Variants in DARS1 observed in about 807,000 individuals in gnomAD.
DARS1 encodes the protein aspartate--tRNA ligase, cytoplasmic.
DARS1 carries 51 observed loss-of-function variants against 68.8 expected under a neutral mutation model. The ratio of observed to expected loss-of-function variants is 0.74; its 90% CI spans 0.59 to 0.94. DARS1 has a LOEUF of 0.94. Among genes scored for constraint, DARS1 ranks in the 40% least tolerant of loss-of-function variants. The pLI, the probability that DARS1 is intolerant of heterozygous loss-of-function variation, is 0.00. For synonymous variants in DARS1, 203 were observed against 190.4 expected (o/e 1.07, Z -0.55); for missense variants, 607 against 597.3 (o/e 1.02, Z -0.17).
intron 1 of DARS1, among the ~76,000 whole-genome samples, chr2:135,983,896 T>C (rs919179219): frequency 6.6e-6 from 1 of 152,212 alleles, no homozygotes; most frequent in Non-Finnish European, 1.5e-5. Context: ...TTGGGTAAGC[T>C]TTCTGAGCAC....
At chr2:135,984,481 T>A (rs1682721893) in intron 1 of DARS1, among the ~76,000 whole-genome samples, 1 of 152,182 alleles carries the variant, frequency 6.6e-6, no homozygotes, top group Non-Finnish European at 1.5e-5. Flanking sequence ...AGGCGCTTAC[T>A]GAACAATTTA....
chr2:135,915,568 T>C (rs1481210648), intron 11 of DARS1, among the ~76,000 whole-genome samples: 1 of 152,224 alleles, frequency 6.6e-6, no homozygotes, highest in Non-Finnish European at 1.5e-5. Flanking sequence ...ATTACAGGCA[T>C]GAGCCACCAT....
intron 4 of DARS1, 136 bp downstream of exon 4, chr2:135,961,260 T>C (rs1043514721): frequency 5.9e-5 from 37 of 622,918 alleles, no homozygotes; most frequent in Non-Finnish European, 9.2e-5. Flanking sequence ...TCAGCAACAC[T>C]GAACTGACAA....
At chr2:135,953,688 C>T (rs1038230181) in intron 4 of DARS1, among the ~76,000 whole-genome samples, 13 of 152,152 alleles carry the variant, frequency 8.5e-5, no homozygotes, top group Admixed American at 5.9e-4. Flanking sequence ...TAGGTTCCAA[C>T]TCCCTGTCCC....
At chr2:135,944,761 G>C (rs1245989376) in intron 4 of DARS1, among the ~76,000 whole-genome samples, 2 of 152,174 alleles carry the variant, frequency 1.3e-5, no homozygotes, top group Admixed American at 1.3e-4. Flanking sequence ...AGAGGCTCCA[G>C]TGGACTGTTA....
chr2:135,942,204 C>T (rs551840465), intron 5 of DARS1, among the ~76,000 whole-genome samples: 5 of 152,226 alleles, frequency 3.3e-5, no homozygotes, highest in East Asian at 1.9e-4. Flanking sequence ...CACATGCACA[C>T]GTACGTTTAT....
chr2:135,916,311 C>T lies in DARS1; in HGVS notation c.1021G>A (p.Glu341Lys). Residue 341 changes from glutamate (E) to lysine (K), a missense_variant, in exon 11 of 16, where the codon GAG (glutamate) becomes AAG (lysine). Coordinates refer to ENST00000264161, the MANE Select transcript of DARS1 (RefSeq NM_001349.4). ...QFPCEPFKFLEPTLRLEYCEA... is the reference protein window; with the variant it reads ...QFPCEPFKFLKPTLRLEYCEA... ...CAATATTCTAGTCTTAGAGTTGGCT[C>T]CAAAAATTTGAATGGCTCACATGGG... 2.6e-6 allele frequency: 4 copies of T among 1,537,070 alleles called. No homozygotes were observed. Among genetic ancestry groups the T allele is most frequent in the Non-Finnish European group, 3.6e-6 (4 of 1,109,770 alleles).
chr2:135,923,609 T>G (rs1212376493), intron 8 of DARS1, among the ~76,000 whole-genome samples: 1 of 152,156 alleles, frequency 6.6e-6, no homozygotes, highest in Non-Finnish European at 1.5e-5. Flanking sequence ...TTTTTCTAAT[T>G]ATTAAGAATG....
At chr2:135,969,237 AGTT>A (rs1248869633) in intron 3 of DARS1, among the ~76,000 whole-genome samples, 1 of 152,120 alleles carries the variant, frequency 6.6e-6, no homozygotes, top group East Asian at 1.9e-4. Flanking sequence ...TATTTTAAAA[AGTT>A]GAAAAATAAT....
intron 7 of DARS1, among the ~76,000 whole-genome samples, chr2:135,931,411 A>T (rs1364495340): frequency 2.0e-5 from 3 of 151,974 alleles, no homozygotes; most frequent in Non-Finnish European, 2.9e-5. Flanking sequence ...TAATTTTTAA[A>T]TTTTTTAAGG....
At chr2:135,957,231 A>ATTT (rs777305714) in intron 4 of DARS1, among the ~76,000 whole-genome samples, 5 of 140,664 alleles carry the variant, frequency 3.6e-5, no homozygotes, top group Non-Finnish European at 1.6e-5. Flanking sequence ...TATCCTACTA[A>ATTT]TTTTTTTTTT....
intron 3 of DARS1, among the ~76,000 whole-genome samples, chr2:135,964,127 T>C (rs1052525504): frequency 1.3e-5 from 2 of 152,188 alleles, no homozygotes; most frequent in Non-Finnish European, 2.9e-5. Flanking sequence ...AAAATCATGA[T>C]AGACTCTTAC....
intron 7 of DARS1, 127 bp from the exon 8 acceptor site, chr2:135,924,625 G>C (rs1278076499): frequency 3.6e-6 from 5 of 1,375,742 alleles, no homozygotes; most frequent in Non-Finnish European, 4.8e-6. Flanking sequence ...AATAATTGGA[G>C]AGAAGACGAA....
At chr2:135,914,582 T>C in intron 11 of DARS1, 71 bp from the exon 12 acceptor site, 1 of 897,486 alleles carries the variant, frequency 1.1e-6, no homozygotes, top group Non-Finnish European at 1.9e-6. Flanking sequence ...AGGAACTTCT[T>C]CTATTTGAGT....
chr2:135,977,571 C>G (rs522086), intron 3 of DARS1, among the ~76,000 whole-genome samples: 2 of 152,024 alleles, frequency 1.3e-5, no homozygotes, highest in African/African-American at 4.8e-5. Context: ...GGGAGAGAGA[C>G]GAGTAAATGA....
At chr2:135,945,006 A>G (rs1301071039) in intron 4 of DARS1, among the ~76,000 whole-genome samples, 2 of 152,098 alleles carry the variant, frequency 1.3e-5, no homozygotes, top group Non-Finnish European at 2.9e-5. Flanking sequence ...CCTTTCTTCT[A>G]TATCCCTGAC....
chr2:135,950,725 C>T (rs1315777798), intron 4 of DARS1, among the ~76,000 whole-genome samples: 2 of 152,144 alleles, frequency 1.3e-5, no homozygotes, highest in African/African-American at 4.8e-5. Flanking sequence ...ACAGGCACAG[C>T]CCATAAACCT....
intron 4 of DARS1, among the ~76,000 whole-genome samples, chr2:135,957,247 A>G (rs1681997092): frequency 6.7e-6 from 1 of 149,146 alleles, no homozygotes; most frequent in African/African-American, 2.5e-5. Flanking sequence ...TTTTTTTTTG[A>G]GACGGAGTCT....
chr2:135,962,745 T>C (rs944606248), intron 3 of DARS1, among the ~76,000 whole-genome samples: 3 of 152,308 alleles, frequency 2.0e-5, no homozygotes, highest in African/African-American at 7.2e-5. Flanking sequence ...AAAAACGAAG[T>C]TGTATTAATA....
Sources: allele counts gnomAD v4.1 joint callset (sites outside exome capture counted in the v4.1 genomes callset), GRCh38; gene constraint gnomAD v4.1.1; transcripts MANE v1.5; gene names NCBI Gene and HGNC (gene_info 2026-07-23, HGNC 2026-07-21).